Variants in ADCY8 observed in about 807,000 individuals in gnomAD.
ADCY8 encodes the protein adenylate cyclase type 8.
ADCY8 carries 51 observed loss-of-function variants against 119.7 expected under a neutral mutation model. The observed-to-expected ratio is 0.43, with a 90% CI of 0.34 to 0.54. ADCY8 has a LOEUF of 0.54. Among genes scored for constraint, ADCY8 ranks in the 20% least tolerant of loss-of-function variants. The pLI is 0.03. For synonymous variants in ADCY8, 665 were observed against 651.0 expected (o/e 1.02, Z -0.33); for missense variants, 1,383 against 1,598.8 (o/e 0.87, Z 2.30).
intron 9 of ADCY8, among the ~76,000 whole-genome samples, chr8:130,861,203 C>T (rs2130366211): frequency 6.6e-6 from 1 of 152,246 alleles, no homozygotes; most frequent in East Asian, 1.9e-4. Flanking sequence ...TCTTTTCATA[C>T]AACCTTTAGC....
chr8:131,032,651 T>TC (rs1365688129), intron 1 of ADCY8, among the ~76,000 whole-genome samples: 1 of 151,996 alleles, frequency 6.6e-6, no homozygotes, highest in Non-Finnish European at 1.5e-5. Context: ...ATTCTTCCTC[T>TC]CCCCCACAGG....
chr8:131,034,518 G>T (rs1824090784), intron 1 of ADCY8, among the ~76,000 whole-genome samples: 1 of 152,074 alleles, frequency 6.6e-6, no homozygotes, highest in Admixed American at 6.5e-5. Flanking sequence ...GTCCCTCATT[G>T]TAAGTCAAGT....
intron 1 of ADCY8, among the ~76,000 whole-genome samples, chr8:130,998,178 G>T (rs182251551): frequency 6.6e-6 from 1 of 152,060 alleles, no homozygotes; most frequent in Non-Finnish European, 1.5e-5. Context: ...TGGTGGTGGT[G>T]GTATGAGAGT....
At chr8:130,999,461 T>A (rs1238254058) in intron 1 of ADCY8, among the ~76,000 whole-genome samples, 3 of 152,046 alleles carry the variant, frequency 2.0e-5, no homozygotes, top group Non-Finnish European at 4.4e-5. Context: ...AGCTTCCCCA[T>A]TGATATAGGA....
At chr8:130,898,267 G>A (rs184892772) in intron 7 of ADCY8, among the ~76,000 whole-genome samples, 11 of 152,264 alleles carry the variant, frequency 7.2e-5, no homozygotes, top group African/African-American at 2.4e-4. Context: ...TAAGGTTGGT[G>A]TGAGAATTAG....
intron 12 of ADCY8, among the ~76,000 whole-genome samples, chr8:130,826,420 G>T (rs1381513034): frequency 6.6e-6 from 1 of 152,022 alleles, no homozygotes; most frequent in Non-Finnish European, 1.5e-5. Context: ...AACAATTTTA[G>T]GTCAGAAAAA....
At chr8:130,911,007 G>A (rs1295669699) in intron 5 of ADCY8, among the ~76,000 whole-genome samples, 1 of 152,138 alleles carries the variant, frequency 6.6e-6, no homozygotes, top group East Asian at 1.9e-4. Context: ...TTAAAAGTGA[G>A]CTATTCATTT....
intron 6 of ADCY8, among the ~76,000 whole-genome samples, chr8:130,905,832 T>A (rs1282262978): frequency 6.6e-6 from 1 of 152,156 alleles, no homozygotes. Flanking sequence ...TGCACTTCAT[T>A]CTGGAGGACA....
At chr8:130,902,429 A>G (rs911036160) in intron 7 of ADCY8, among the ~76,000 whole-genome samples, 2 of 152,228 alleles carry the variant, frequency 1.3e-5, no homozygotes, top group Non-Finnish European at 2.9e-5. Context: ...TTTGGGGGAA[A>G]TTAAACACTC....
chr8:130,917,854 GC>G (rs1298270031), intron 5 of ADCY8, among the ~76,000 whole-genome samples: 2 of 151,640 alleles, frequency 1.3e-5, no homozygotes, highest in Non-Finnish European at 2.9e-5. Context: ...CCTTCAAGAT[GC>G]CCCTTATTGT....
At chr8:131,008,409 T>A (rs1823191780) in intron 1 of ADCY8, among the ~76,000 whole-genome samples, 1 of 152,162 alleles carries the variant, frequency 6.6e-6, no homozygotes, top group African/African-American at 2.4e-5. Context: ...TCATGAGATC[T>A]GATGGTTTTA....
At chr8:131,003,217 C>CACACAT (rs1823009424) in intron 1 of ADCY8, among the ~76,000 whole-genome samples, 1 of 151,594 alleles carries the variant, frequency 6.6e-6, no homozygotes, top group African/African-American at 2.4e-5. Flanking sequence ...CACACACACA[C>CACACAT]ACACACACAC....
At chr8:130,838,210 G>A (rs1030859513) in intron 11 of ADCY8, among the ~76,000 whole-genome samples, 6 of 152,176 alleles carry the variant, frequency 3.9e-5, no homozygotes, top group African/African-American at 1.4e-4. Context: ...TTCTCTCAGA[G>A]GGCAAAGGCC....
intron 1 of ADCY8, among the ~76,000 whole-genome samples, chr8:130,992,172 G>A (rs995187955): frequency 3.4e-5 from 5 of 147,300 alleles, no homozygotes; most frequent in Admixed American, 6.8e-5. Context: ...CTCTGCCTCT[G>A]GGGTTCAAGT....
At chr8:131,007,778 CA>C (rs1051764711) in intron 1 of ADCY8, among the ~76,000 whole-genome samples, 1 of 152,154 alleles carries the variant, frequency 6.6e-6, no homozygotes, top group Non-Finnish European at 1.5e-5. Context: ...ACTGAGGGTA[CA>C]AATATGATCA....
chr8:130,975,871 C>T (rs748598398), intron 2 of ADCY8, among the ~76,000 whole-genome samples: 6 of 152,106 alleles, frequency 3.9e-5, no homozygotes, highest in Non-Finnish European at 1.5e-5. Flanking sequence ...GTGTTGTTAG[C>T]TATTGGACAA....
chr8:131,019,837 CTGTCTG>C (rs146493199), intron 1 of ADCY8, among the ~76,000 whole-genome samples: 84 of 98,088 alleles, frequency 8.6e-4, no homozygotes, highest in East Asian at 4.5e-3. Context: ...CTCTCTCTCT[CTGTCTG>C]TCTCTCTCTC....
At chr8:130,939,800 T>C (rs1022938901) in intron 4 of ADCY8, among the ~76,000 whole-genome samples, 2 of 152,200 alleles carry the variant, frequency 1.3e-5, no homozygotes, top group African/African-American at 2.4e-5. Flanking sequence ...GCCTTCTCAA[T>C]GTTCAACATG....
chr8:130,848,649 AG>A (rs1337511696), intron 10 of ADCY8, among the ~76,000 whole-genome samples: 3 of 152,180 alleles, frequency 2.0e-5, no homozygotes, highest in Non-Finnish European at 4.4e-5. Context: ...TCAGGCCCAA[AG>A]GGCACAGTGA....
Sources: allele counts gnomAD v4.1 joint callset (sites outside exome capture counted in the v4.1 genomes callset), GRCh38; gene constraint gnomAD v4.1.1; transcripts MANE v1.5; gene names NCBI Gene and HGNC (gene_info 2026-07-23, HGNC 2026-07-21).